TAB2: variants seen among roughly 807,000 people sequenced by gnomAD.
TAB2 encodes the protein TGF-beta activated kinase 1 (MAP3K7) binding protein 2, also known as TGF-beta-activated kinase 1 and MAP3K7-binding protein 2.
A neutral mutation model predicts 65.0 loss-of-function variants in TAB2; 3 were observed. The ratio of observed to expected loss-of-function variants is 0.05; its 90% CI spans 0.02 to 0.12. The LOEUF is 0.12. Among genes scored for constraint, TAB2 ranks in the 10% least tolerant of loss-of-function variants. The pLI is 1.00. For synonymous variants in TAB2, 298 were observed against 285.1 expected (o/e 1.05, Z -0.46); for missense variants, 623 against 840.3 (o/e 0.74, Z 3.20).
At chr6:149,308,437 A>C (rs1213446525) in intron 1 of TAB2, among the ~76,000 whole-genome samples, 1 of 152,202 alleles carries the variant, frequency 6.6e-6, no homozygotes, top group African/African-American at 2.4e-5. Context: ...GTTTTGTTAG[A>C]GTGAAATTGA....
upstream of TAB2, chr6:149,317,534 G>A: frequency 6.4e-6 from 1 of 156,322 alleles, no homozygotes; most frequent in Non-Finnish European, 1.4e-5. This position sits in a 1 kb window ranked among gnomAD's most constrained non-coding sequence, Gnocchi z 4.7. Context: ...CCGCCGCGCC[G>A]CCATATTGTG....
At chr6:149,310,873 C>A (rs652070) in intron 1 of TAB2, among the ~76,000 whole-genome samples, 5 of 152,096 alleles carry the variant, frequency 3.3e-5, no homozygotes, top group Admixed American at 1.3e-4. Context: ...CCCTCACCCC[C>A]TATTTTCCTT....
chr6:149,235,934 T>A (rs1777486126), intron 1 of TAB2, among the ~76,000 whole-genome samples: 2 of 152,150 alleles, frequency 1.3e-5, no homozygotes, highest in Admixed American at 1.3e-4. Flanking sequence ...GGAAAGCAGT[T>A]TATTCCCCAA....
intron 1 of TAB2, among the ~76,000 whole-genome samples, chr6:149,322,453 A>T (rs1309943458): frequency 6.6e-6 from 1 of 152,150 alleles, no homozygotes; most frequent in South Asian, 2.1e-4. Context: ...TCAAAGTTAC[A>T]GAGTTTCAAC....
At chr6:149,241,760 G>A (rs377291616) in intron 1 of TAB2, among the ~76,000 whole-genome samples, 10 of 152,276 alleles carry the variant, frequency 6.6e-5, no homozygotes, top group Admixed American at 3.3e-4. Flanking sequence ...TCAAGCCAAA[G>A]CATTAGAGTC....
intron 3 of TAB2, among the ~76,000 whole-genome samples, chr6:149,383,608 A>G (rs1001797798): frequency 2.0e-5 from 3 of 152,106 alleles, no homozygotes; most frequent in Non-Finnish European, 4.4e-5. Flanking sequence ...TTTCTGAGAT[A>G]GAGTCTCACT....
At chr6:149,304,836 C>A (rs1252121436) in intron 1 of TAB2, among the ~76,000 whole-genome samples, 1 of 152,146 alleles carries the variant, frequency 6.6e-6, no homozygotes, top group Non-Finnish European at 1.5e-5. Flanking sequence ...CCCATGCATA[C>A]CAAAATCCTC....
intron 1 of TAB2, among the ~76,000 whole-genome samples, chr6:149,275,290 A>AAGAT (rs1491052876): frequency 2.1e-5 from 3 of 141,274 alleles, no homozygotes; most frequent in East Asian, 4.1e-4. Flanking sequence ...GAAAGAAAGA[A>AAGAT]AGAAAGAAAG....
intron 1 of TAB2, among the ~76,000 whole-genome samples, chr6:149,275,287 A>AGAAG (rs1778447406): frequency 1.3e-5 from 2 of 148,574 alleles, no homozygotes; most frequent in African/African-American, 2.5e-5. Context: ...AAAGAAAGAA[A>AGAAG]GAAAGAAAGA....
chr6:149,290,831 G>A (rs551838145), intron 1 of TAB2, among the ~76,000 whole-genome samples: 2 of 152,298 alleles, frequency 1.3e-5, no homozygotes, highest in African/African-American at 4.8e-5. Flanking sequence ...GGCAACAGGA[G>A]TGAAACCCTG....
intron 1 of TAB2, among the ~76,000 whole-genome samples, chr6:149,359,472 C>G (rs750201759): frequency 3.9e-5 from 6 of 152,088 alleles, no homozygotes; most frequent in Non-Finnish European, 8.8e-5. Flanking sequence ...AATTTCAGTT[C>G]TTGTGGCTTC....
At chr6:149,267,621 C>G (rs1640105773) in intron 1 of TAB2, among the ~76,000 whole-genome samples, 1 of 152,096 alleles carries the variant, frequency 6.6e-6, no homozygotes, top group African/African-American at 2.4e-5. Flanking sequence ...TCAGGTGTCA[C>G]TAACAACAGG....
chr6:149,275,893 A>G (rs1263551868), intron 1 of TAB2, among the ~76,000 whole-genome samples: 2 of 152,244 alleles, frequency 1.3e-5, no homozygotes, highest in East Asian at 3.8e-4. Flanking sequence ...TGTCAAGGTT[A>G]TCTGAGAAAC....
intron 6 of TAB2, among the ~76,000 whole-genome samples, chr6:149,404,000 AAAAT>A (rs1468662655): frequency 1.3e-5 from 2 of 152,216 alleles, no homozygotes; most frequent in Non-Finnish European, 2.9e-5. Flanking sequence ...TTAGACAAGA[AAAAT>A]AAAGGTATCC....
chr6:149,342,174 T>C (rs1245726095), intron 1 of TAB2, among the ~76,000 whole-genome samples: 1 of 152,166 alleles, frequency 6.6e-6, no homozygotes, highest in Non-Finnish European at 1.5e-5. Flanking sequence ...TTTTAAAAAT[T>C]GGAACTTAAC....
intron 1 of TAB2, among the ~76,000 whole-genome samples, chr6:149,357,443 A>ACACACACC (rs1780701268): frequency 6.9e-6 from 1 of 145,854 alleles, no homozygotes; most frequent in East Asian, 2.1e-4. Flanking sequence ...ACACACACAC[A>ACACACACC]CACACACACA....
chr6:149,337,859 T>TGG (rs910746295), intron 1 of TAB2, among the ~76,000 whole-genome samples: 6 of 151,906 alleles, frequency 3.9e-5, no homozygotes, highest in Admixed American at 2.0e-4. Flanking sequence ...AGGGATAGGG[T>TGG]GGTAAGCAGT....
At chr6:149,343,276 T>C (rs143670058) in intron 1 of TAB2, among the ~76,000 whole-genome samples, 184 of 151,952 alleles carry the variant, frequency 1.2e-3, no homozygotes, top group African/African-American at 3.2e-3. Context: ...AAAGTTGATA[T>C]ATTCATACAT....
At chr6:149,321,921 A>G (rs551535962) in intron 1 of TAB2, among the ~76,000 whole-genome samples, 22 of 152,314 alleles carry the variant, frequency 1.4e-4, no homozygotes, top group Non-Finnish European at 2.9e-4. Context: ...GCTTTGCTGA[A>G]TGTGACTTTT....
Sources: allele counts gnomAD v4.1 joint callset (sites outside exome capture counted in the v4.1 genomes callset), GRCh38; gene constraint gnomAD v4.1.1; non-coding constraint Gnocchi (gnomAD v3.1); transcripts MANE v1.5; gene names NCBI Gene and HGNC (gene_info 2026-07-23, HGNC 2026-07-21).